R3HDM1: variants seen among roughly 807,000 people sequenced by gnomAD.
R3HDM1 encodes R3H domain-containing protein 1.
In R3HDM1, 46 loss-of-function variants were observed where a neutral mutation model predicts 141.1. The ratio of observed to expected loss-of-function variants is 0.33; its 90% confidence interval spans 0.26 to 0.42. The LOEUF (loss-of-function observed/expected upper bound fraction) is 0.42, where lower values mean the gene tolerates loss of function less well. Ranked by LOEUF, R3HDM1 falls within the 10% of genes least tolerant of loss-of-function variation. The probability of loss-of-function intolerance (pLI) is 1.00; values close to 1 mark genes in which losing one functional copy is unlikely to be tolerated. For synonymous variants in R3HDM1, 435 were observed against 472.9 expected (o/e 0.92, Z 1.04); for missense variants, 1,184 against 1,368.3 (o/e 0.87, Z 2.12).
At chr2:135,614,941 G>A (rs562611736) in intron 3 of R3HDM1, among the ~76,000 whole-genome samples, 1 of 152,050 alleles carries the variant, frequency 6.6e-6, no homozygotes, top group Admixed American at 6.5e-5. Context: ...GAACAAGTTA[G>A]AGAGTAGGTA....
At chr2:135,598,994 TA>T (rs2105091352) in intron 1 of R3HDM1, among the ~76,000 whole-genome samples, 1 of 152,330 alleles carries the variant, frequency 6.6e-6, no homozygotes, top group Admixed American at 6.5e-5. Flanking sequence ...TATTTACCTT[TA>T]ATGGCTTCTA....
rs570834421 is a variant in R3HDM1 at position 135,588,478 on chromosome 2, A to T, written c.-249-14022A>T. 5.9e-5 allele frequency among the ~76,000 whole-genome samples: 9 copies of T among 152,166 alleles called. No individual in the cohort carries two copies. The East Asian group carries it at 1.7e-3, about 29-fold the overall frequency. On this transcript the variant is annotated intron_variant, in intron 1 of 26. Coordinates refer to ENST00000683871, the MANE Select transcript of R3HDM1 (RefSeq NM_001378107.1). ...TCATTCTCATACAGGTTTTCAGTTC[A>T]TTGGAGCCAGATCTGCACTTAAATT...
chr2:135,588,868 ATTT>A (rs1244926299), intron 1 of R3HDM1, among the ~76,000 whole-genome samples: 11 of 152,172 alleles, frequency 7.2e-5, no homozygotes, highest in Middle Eastern at 3.4e-3. Flanking sequence ...TACCATCTGT[ATTT>A]TTCAAATGTG....
intron 21 of R3HDM1, among the ~76,000 whole-genome samples, chr2:135,706,759 AG>A: frequency 6.6e-6 from 1 of 152,330 alleles, no homozygotes; most frequent in Admixed American, 6.5e-5. Flanking sequence ...CAAAATGAAA[AG>A]TCTCCCATGT....
chr2:135,702,190 C>T (rs530174316), intron 21 of R3HDM1, among the ~76,000 whole-genome samples: 14 of 135,348 alleles, frequency 1.0e-4, no homozygotes, highest in African/African-American at 3.0e-4. Flanking sequence ...CCACCCTGGG[C>T]GACAGAGCAA....
At chr2:135,667,666 CTCT>C (rs1030519569) in intron 19 of R3HDM1, 4 of 977,376 alleles carry the variant, frequency 4.1e-6, no homozygotes, top group Non-Finnish European at 4.9e-6. Context: ...ACTGGAAATA[CTCT>C]TCTTGTAGCA....
intron 7 of R3HDM1, among the ~76,000 whole-genome samples, chr2:135,628,648 C>T (rs1400635950): frequency 4.6e-5 from 7 of 152,034 alleles, no homozygotes; most frequent in East Asian, 1.9e-4. Flanking sequence ...GTTTTTGAGA[C>T]GGAGTTTCAC....
At chr2:135,613,341 C>G (rs1227608689) in intron 3 of R3HDM1, among the ~76,000 whole-genome samples, 3 of 152,178 alleles carry the variant, frequency 2.0e-5, no homozygotes, top group African/African-American at 7.2e-5. Flanking sequence ...TACATGGCCC[C>G]TCTATCTTCA....
chr2:135,619,743 A>C, intron 5 of R3HDM1: 15 of 967,830 alleles, frequency 1.5e-5, no homozygotes, highest in Non-Finnish European at 1.7e-5. Flanking sequence ...TGCTTGATTC[A>C]GAATGTGATT....
chr2:135,709,345 T>A lies in R3HDM1; in HGVS notation c.2460-88T>A. 3 of 1,543,078 alleles carry A rather than the reference T, an allele frequency of 1.9e-6. No individual in the cohort carries two copies. In the South Asian group the frequency reaches 3.6e-5, roughly 18 times the overall value. On this transcript the variant is annotated intron_variant, in intron 21 of 26. Transcript: ENST00000683871. Reference sequence around the variant, plus strand: ...GCCTTGGCCTCCCAAAGTGCTGGGATTACAGGCGTGAGCACCGCGCCCAGC... The same window carrying A: ...GCCTTGGCCTCCCAAAGTGCTGGGAATACAGGCGTGAGCACCGCGCCCAGC...
intron 7 of R3HDM1, among the ~76,000 whole-genome samples, chr2:135,623,744 G>T (rs2061720531): frequency 6.6e-6 from 1 of 152,156 alleles, no homozygotes; most frequent in African/African-American, 2.4e-5. Context: ...CAAGCATTGT[G>T]CTAAACATTG....
At chr2:135,652,189 C>T (rs1419283390) in intron 18 of R3HDM1, among the ~76,000 whole-genome samples, 157 bp downstream of exon 18, 1 of 152,178 alleles carries the variant, frequency 6.6e-6, no homozygotes, top group African/African-American at 2.4e-5. Context: ...GATTTTCACG[C>T]ACATGCTAAG....
intron 19 of R3HDM1, 72 bp downstream of exon 19, chr2:135,661,465 A>G: frequency 6.5e-7 from 1 of 1,536,420 alleles, no homozygotes; most frequent in Non-Finnish European, 9.0e-7. Context: ...TGTTGCTCTT[A>G]AGATAGTACC....
rs111769578 is a variant in R3HDM1, at chr2:135,548,711, A to G, written c.-250+17078A>G. On this transcript the variant is annotated intron_variant, in intron 1 of 26. Transcript: ENST00000683871. ...CTGTGTAGGGCTTCTTCCATTCAAC[A>G]TGTTTTTCAGATTTATCCATTTTTG... Among the ~76,000 whole-genome samples the G allele has an allele frequency of 1.7e-3, 259 of 152,174 alleles. 4 individuals are homozygous for G. The highest frequency in any genetic ancestry group is 5.8e-3 in the African/African-American group (240 of 41,520).
At chr2:135,569,405 C>G (rs1481254974) in intron 1 of R3HDM1, among the ~76,000 whole-genome samples, 1 of 151,970 alleles carries the variant, frequency 6.6e-6, no homozygotes, top group African/African-American at 2.4e-5. Flanking sequence ...ATTGCTTGAA[C>G]CCGGGAGGCA....
At chr2:135,558,346 A>G (rs1474214783) in intron 1 of R3HDM1, among the ~76,000 whole-genome samples, 1 of 152,218 alleles carries the variant, frequency 6.6e-6, no homozygotes, top group Non-Finnish European at 1.5e-5. Flanking sequence ...ACCTTATTAG[A>G]CAGCACAACT....
At chr2:135,648,371 A>T (rs1237020649) in intron 16 of R3HDM1, among the ~76,000 whole-genome samples, 1 of 152,212 alleles carries the variant, frequency 6.6e-6, no homozygotes, top group East Asian at 1.9e-4. Flanking sequence ...GATGTCATAG[A>T]CAAACAATGT....
At chr2:135,547,449 AT>A (rs932112194) in intron 1 of R3HDM1, among the ~76,000 whole-genome samples, 1 of 141,216 alleles carries the variant, frequency 7.1e-6, no homozygotes, top group Non-Finnish European at 1.6e-5. Context: ...ACTGTCTTCG[AT>A]TTTTTTTTCT....
intron 1 of R3HDM1, among the ~76,000 whole-genome samples, chr2:135,553,966 A>G (rs1341399743): frequency 6.6e-6 from 1 of 151,240 alleles, no homozygotes; most frequent in African/African-American, 2.4e-5. Context: ...CTGGGATTAC[A>G]GGCATGAGCC....
Sources: gnomAD v4.1 joint callset for allele counts (sites outside exome capture counted in the v4.1 genomes callset) on GRCh38, gnomAD v4.1.1 for gene constraint, MANE v1.5 for transcripts, NCBI Gene and HGNC (gene_info 2026-07-23, HGNC 2026-07-21) for gene names.